TRIM16: variants seen among roughly 807,000 people sequenced by gnomAD.
The protein encoded by TRIM16 is tripartite motif-containing protein 16.
A neutral mutation model predicts 50.4 loss-of-function variants in TRIM16; 33 were observed. That is an observed-to-expected ratio of 0.65 (90% CI 0.50 to 0.88). The LOEUF (loss-of-function observed/expected upper bound fraction) is 0.88, where lower values mean the gene tolerates loss of function less well. Ranked by LOEUF, TRIM16 falls within the 40% of genes least tolerant of loss-of-function variation. The pLI, the probability that TRIM16 is intolerant of heterozygous loss-of-function variation, is 0.00. For missense variants in TRIM16, 581 were observed against 686.8 expected (o/e 0.85, Z 1.72); for synonymous variants, 229 against 270.7 (o/e 0.85, Z 1.51).
chr17:15,651,050 C>G (rs1220366664), intron 7 of TRIM16, 41 bp downstream of exon 7: 2 of 1,569,758 alleles, frequency 1.3e-6, no homozygotes, highest in Non-Finnish European at 1.7e-6. Flanking sequence ...CCATCCCCCA[C>G]CGCCCTCTCC....
chr17:15,658,678 A>G (rs1253672934), intron 6 of TRIM16: 3 of 283,104 alleles, frequency 1.1e-5, no homozygotes, highest in Non-Finnish European at 1.6e-5. Context: ...CGGAAGAGTG[A>G]CATCTAAGTC....
Position 15,651,689 on chromosome 17 carries a change from C to G in TRIM16, c.-80G>C, listed in dbSNP as rs746835332. 1.3e-6 allele frequency: 2 copies of G among 1,556,292 alleles called. No individual in the cohort carries two copies. The highest frequency in any genetic ancestry group is 1.4e-5 in the African/African-American group (1 of 73,478). On this transcript the variant is annotated 5_prime_UTR_variant, in exon 7 of 12. Coordinates refer to ENST00000649191, the MANE Select transcript of TRIM16 (RefSeq NM_001348119.1). ...TGCAGCCCAAGTCAGACAAGAGAAC[C>G]ACGCCTAGATGATTGCAGCTGCTGC... is the stretch of plus-strand genomic sequence containing the variant.
intron 6 of TRIM16, among the ~76,000 whole-genome samples, chr17:15,676,584 C>T (rs577906329): frequency 6.6e-6 from 1 of 151,384 alleles, no homozygotes; most frequent in Non-Finnish European, 1.5e-5. Context: ...TACAGGTGCC[C>T]GCCACCACGC....
intron 1 of TRIM16, 169 bp from the exon 2 acceptor site, chr17:15,683,326 C>G (rs1989257995): frequency 1.8e-6 from 1 of 559,866 alleles, no homozygotes; most frequent in Non-Finnish European, 3.1e-6. Context: ...TGAACACAGG[C>G]AAGTCTCAGT....
At position 15,651,511 on chromosome 17, in the gene TRIM16, ATCTGGGCTGGGTGACCCAGAG is replaced by A. The variant is rs762333020; in HGVS notation, c.78_98del (p.Pro30_Ser36del). On this transcript the variant is annotated inframe_deletion, in exon 7 of 12. Transcript: ENST00000649191. Reference sequence around the variant, plus strand: ...CTTCCACTGGGCTGGCTGACCCAGAATCTGGGCTGGGTGACCCAGAGTCTGGGCTGAGAGGGGCTGGGGGCT... The same window carrying A: ...CTTCCACTGGGCTGGCTGACCCAGAATCTGGGCTGAGAGGGGCTGGGGGCT... The A allele has an allele frequency of 7.4e-6, 12 of 1,613,000 alleles. No homozygotes were observed. In the African/African-American group the frequency reaches 1.1e-4, roughly 14 times the overall value.
At chr17:15,634,546 G>A (rs1184886384) in intron 9 of TRIM16, among the ~76,000 whole-genome samples, 5 of 145,480 alleles carry the variant, frequency 3.4e-5, no homozygotes, top group Admixed American at 6.8e-5. Context: ...CAGGAGAATC[G>A]CTTGAACCCG....
At chr17:15,649,488 G>A (rs1198761094) in intron 7 of TRIM16, among the ~76,000 whole-genome samples, 3 of 152,106 alleles carry the variant, frequency 2.0e-5, no homozygotes, top group Non-Finnish European at 1.5e-5. Context: ...GAGTTTCACC[G>A]TGTTAGCCAG....
rs980224116 is a variant in TRIM16, at chr17:15,635,368, G to A, written c.849+668C>T. ...AAAGGTTACATGTTCTTTAGATCTC[G>A]TTCCAATGGCTTACGGTTTGATGTC... On this transcript the variant is annotated intron_variant, in intron 9 of 11. Transcript: ENST00000649191. 6.7e-5 allele frequency among the ~76,000 whole-genome samples: 10 copies of A among 148,796 alleles called. 1 individual carries two copies. Among genetic ancestry groups the A allele is most frequent in the Non-Finnish European group, 1.3e-4 (9 of 67,152 alleles).
intron 9 of TRIM16, among the ~76,000 whole-genome samples, chr17:15,634,258 G>A (rs1254844071): frequency 6.7e-6 from 1 of 148,594 alleles, no homozygotes; most frequent in Non-Finnish European, 1.5e-5. Context: ...GAACCCAGGA[G>A]GTGGAGCTTT....
chr17:15,657,310 C>T (rs1381861109), intron 6 of TRIM16, among the ~76,000 whole-genome samples: 3 of 152,070 alleles, frequency 2.0e-5, no homozygotes, highest in Non-Finnish European at 4.4e-5. Context: ...GATCACAGCT[C>T]ACGGCAGCCT....
At chr17:15,632,393 A>T in intron 10 of TRIM16, 116 bp downstream of exon 10, 1 of 1,437,892 alleles carries the variant, frequency 7.0e-7, no homozygotes, top group Admixed American at 2.3e-5. Context: ...AGAAAAAAAA[A>T]AGAAAATGAA....
chr17:15,681,905 C>T (rs923720366), intron 3 of TRIM16, among the ~76,000 whole-genome samples: 81 of 152,326 alleles, frequency 5.3e-4, no homozygotes, highest in African/African-American at 1.8e-3. Context: ...TTACCAAGTA[C>T]AGGGTTTCAC....
chr17:15,645,571 GA>G (rs553592453), intron 7 of TRIM16, among the ~76,000 whole-genome samples: 4,948 of 140,488 alleles, frequency 0.035, 183 homozygotes, highest in African/African-American at 0.098. Context: ...AAAAGAAAAA[GA>G]AAAAAAAAAA....
intron 9 of TRIM16, 53 bp downstream of exon 9, chr17:15,635,983 A>G: frequency 6.3e-7 from 1 of 1,595,468 alleles, no homozygotes. Flanking sequence ...TAGCAAAGAG[A>G]GGGTGCTTCA....
At chr17:15,632,837 T>C (rs1380297945) in intron 9 of TRIM16, 163 bp from the exon 10 acceptor site, 5 of 920,458 alleles carry the variant, frequency 5.4e-6, no homozygotes, top group Admixed American at 6.4e-5. Context: ...TCTAACAAAA[T>C]AGAAAGCACT....
chr17:15,665,147 T>C (rs545408024), intron 6 of TRIM16, among the ~76,000 whole-genome samples: 110 of 152,264 alleles, frequency 7.2e-4, no homozygotes, highest in Non-Finnish European at 9.4e-4. Context: ...AAGCTGCTGC[T>C]ATACAACTCA....
chr17:15,651,024 C>T (rs1043794122), intron 7 of TRIM16, 67 bp downstream of exon 7: 2 of 1,546,850 alleles, frequency 1.3e-6, no homozygotes, highest in African/African-American at 2.7e-5. Context: ...CTAGCAGCTG[C>T]AGCCAGCTGG....
intron 8 of TRIM16, among the ~76,000 whole-genome samples, chr17:15,640,226 G>C (rs184323147): frequency 0.056 from 8,288 of 148,048 alleles, 1,229 homozygotes; most frequent in African/African-American, 0.2. Context: ...ATAGCACTGA[G>C]CTGGCACAGC....
At position 15,680,942 on chromosome 17, in the gene TRIM16, C is replaced by T. The variant is rs181088462; in HGVS notation, c.-667G>A. 45,438 of 1,531,052 alleles carry T rather than the reference C, an allele frequency of 0.03. 820 individuals are homozygous for T. The highest frequency in any genetic ancestry group is 0.034 in the Non-Finnish European group (38,898 of 1,140,582). The allele number at this position is 1,531,052 out of a possible 1,614,324, so 94.8% of individuals were successfully genotyped here. A position where few individuals can be genotyped will look rare whatever the true frequency, so the allele number is the denominator to read the frequency against. Reference sequence around the variant, plus strand: ...CCCTTTTGGGAAAGGGCAGGGTCCTCAGAGGGCAGAACTGGAAGGAAATTG... The same window carrying T: ...CCCTTTTGGGAAAGGGCAGGGTCCTTAGAGGGCAGAACTGGAAGGAAATTG... On this transcript the variant is annotated 5_prime_UTR_variant, in exon 4 of 12. An upstream open reading frame in the 5' UTR loses its in-frame stop. Transcript: ENST00000649191.
Sources: allele counts gnomAD v4.1 joint callset (sites outside exome capture counted in the v4.1 genomes callset), GRCh38; gene constraint gnomAD v4.1.1; transcripts MANE v1.5; gene names NCBI Gene and HGNC (gene_info 2026-07-23, HGNC 2026-07-21).